LINS1: variants seen among roughly 807,000 people sequenced by gnomAD.
LINS1 encodes the protein protein Lines homolog 1.
Under a neutral mutation model 41.6 loss-of-function variants are expected in LINS1, and 27 were observed. The observed-to-expected ratio is 0.65, with a 90% confidence interval of 0.48 to 0.89. The LOEUF is 0.89. Among genes scored for constraint, LINS1 ranks in the 40% least tolerant of loss-of-function variants. LINS1 has a pLI of 0.00. For synonymous variants in LINS1, 336 were observed against 312.9 expected (o/e 1.07, Z -0.78); for missense variants, 955 against 884.1 (o/e 1.08, Z -1.02).
intron 3 of LINS1, among the ~76,000 whole-genome samples, chr15:100,576,962 A>G (rs1361940075): frequency 6.6e-6 from 1 of 152,224 alleles, no homozygotes; most frequent in Non-Finnish European, 1.5e-5. Context: ...AAGGCCTTTG[A>G]CAAAATTCAA....
chr15:100,587,254 T>C (rs1596946816), intron 1 of LINS1, among the ~76,000 whole-genome samples: 2 of 148,818 alleles, frequency 1.3e-5, no homozygotes, highest in East Asian at 2.0e-4. Context: ...AAATTTCACA[T>C]ACATGCTTGC....
intron 3 of LINS1, among the ~76,000 whole-genome samples, chr15:100,575,409 C>G (rs906550408): frequency 5.9e-5 from 9 of 152,076 alleles, no homozygotes; most frequent in African/African-American, 1.9e-4. Context: ...AACCAACAAA[C>G]ATCAAAAGAG....
At chr15:100,579,708 G>C (rs1363333171) in intron 3 of LINS1, among the ~76,000 whole-genome samples, 1 of 152,104 alleles carries the variant, frequency 6.6e-6, no homozygotes, top group Non-Finnish European at 1.5e-5. Context: ...ACTCAACTCT[G>C]AATTTATTTA....
intron 6 of LINS1, 136 bp downstream of exon 6, chr15:100,571,758 G>A (rs2141268958): frequency 9.7e-7 from 1 of 1,035,896 alleles, no homozygotes; most frequent in Non-Finnish European, 1.4e-6. Context: ...TGTAAGTCAG[G>A]GTTAAAGAAA....
chr15:100,570,859 AAAAACTATCTATGTTGT>A (rs1414827001), intron 6 of LINS1, among the ~76,000 whole-genome samples: 2 of 152,234 alleles, frequency 1.3e-5, no homozygotes, highest in Non-Finnish European at 2.9e-5. Context: ...TACATCTGAA[AAAAACTATCTATGTTGT>A]AAGCACATGC....
In LINS1 at chr15:100,569,380, C is replaced by G. The variant is rs148450316; in HGVS notation, c.2132G>C (p.Arg711Thr). ...DVVSEVGIFYRIVKCFQELQD... is the reference protein window; with the variant it reads ...DVVSEVGIFYTIVKCFQELQD... Reference sequence around the variant, plus strand: ...TAGTTCCTGGAAGCATTTTACTATTCTGTAAAATATTCCCACTTCAGAGAC... The same window carrying G: ...TAGTTCCTGGAAGCATTTTACTATTGTGTAAAATATTCCCACTTCAGAGAC... Residue 711 changes from arginine to threonine, a missense_variant, in exon 7 of 7, where the codon AGA (arginine) becomes ACA (threonine). By Grantham distance (71) the Arg-to-Thr change is moderately conservative. Coordinates refer to ENST00000314742, the MANE Select transcript of LINS1 (RefSeq NM_001040616.3). The G allele has an allele frequency of 6.2e-7, 1 of 1,614,046 alleles. No homozygotes were observed. The highest frequency in any genetic ancestry group is 1.6e-4 in the Middle Eastern group (1 of 6,062).
intron 3 of LINS1, among the ~76,000 whole-genome samples, chr15:100,575,612 C>A (rs2038124858): frequency 6.6e-6 from 1 of 152,168 alleles, no homozygotes; most frequent in Non-Finnish European, 1.5e-5. Context: ...TTAGACAGAA[C>A]AACGAGACAG....
chr15:100,574,196 A>G lies in LINS1; in HGVS notation c.677T>C (p.Val226Ala), dbSNP rs768357224. ...CTGAGAGAATAAGGAATTGTAAAAC[A>G]CTTCAAAAATGGTGTCGAAATGAGT... ...FLTHFDTIFE[V>A]FYNSLFSQHF... Residue 226 changes from valine to alanine, a missense_variant, in exon 5 of 7, where the codon GTG becomes GCG. By Grantham distance (64) the Val-to-Ala change is moderately conservative (BLOSUM62 0). Coordinates refer to ENST00000314742, the MANE Select transcript of LINS1 (RefSeq NM_001040616.3). The G allele has an allele frequency of 2.5e-6, 4 of 1,613,476 alleles. No individual in the cohort carries two copies. The highest frequency in any genetic ancestry group is 3.4e-6 in the Non-Finnish European group (4 of 1,179,566).
At chr15:100,572,172 C>T in intron 5 of LINS1, 107 bp from the exon 6 acceptor site, 1 of 1,533,766 alleles carries the variant, frequency 6.5e-7, no homozygotes, top group Non-Finnish European at 8.8e-7. Flanking sequence ...ATGCAATTAT[C>T]CTAATTCACT....
At chr15:100,576,173 T>A (rs2141288937) in intron 3 of LINS1, among the ~76,000 whole-genome samples, 1 of 151,922 alleles carries the variant, frequency 6.6e-6, no homozygotes, top group African/African-American at 2.4e-5. Flanking sequence ...ATAACTAAGA[T>A]CAGAGCAGAA....
In LINS1 at chr15:100,593,559, T is replaced by TG. The variant is rs34763783; in HGVS notation, c.-104+8561dup. Among the ~76,000 whole-genome samples the TG allele has an allele frequency of 1.8e-3, 201 of 113,376 alleles. 1 individual carries two copies. The highest frequency in any genetic ancestry group is 5.1e-3 in the African/African-American group (170 of 33,340). The allele number at this position is 113,376 out of a possible 152,430, so 74.4% of individuals were successfully genotyped here. A position where few individuals can be genotyped will look rare whatever the true frequency, so the allele number is the denominator to read the frequency against. On this transcript the variant is annotated intron_variant, in intron 1 of 6. Transcript: ENST00000314742. ...GCTCTAAGTGAGTTTTACAACTTTA[T>TG]GGGGGGGGGGGGTGCTTAATTATCA...
At chr15:100,598,655 T>C (rs948204747) in intron 1 of LINS1, among the ~76,000 whole-genome samples, 1 of 152,242 alleles carries the variant, frequency 6.6e-6, no homozygotes, top group African/African-American at 2.4e-5. Context: ...GGCGTTCTTT[T>C]TGCTGTGATG....
rs762817281 is a variant in LINS1 at position 100,569,573 on chromosome 15, T to G, written c.1939A>C (p.Ser647Arg). The G allele has an allele frequency of 1.2e-6, 2 of 1,614,080 alleles. No individual in the cohort carries two copies. The highest frequency in any genetic ancestry group is 3.3e-5 in the Admixed American group (2 of 60,024). The change falls in exon 7 of 7, where the codon AGT becomes CGT. Residue 647 changes from serine to arginine, a missense_variant. By Grantham distance (110) the Ser-to-Arg change is moderately radical. Transcript: ENST00000314742. ...VESTEQCLAN[S>R]KQTSLHQQAT... ...TGCTGGTGTAAAGATGTCTGTTTAC[T>G]GTTAGCTAAACACTGCTCTGTGGAT...
In LINS1 at chr15:100,590,993, A is replaced by C. The variant is rs187570665; in HGVS notation, c.-103-10048T>G. 3.0e-3 allele frequency among the ~76,000 whole-genome samples: 462 copies of C among 152,204 alleles called. 1 individual carries two copies. The highest frequency in any genetic ancestry group is 1.0e-2 in the African/African-American group (415 of 41,518). On this transcript the variant is annotated intron_variant, in intron 1 of 6. Coordinates refer to ENST00000314742, the MANE Select transcript of LINS1 (RefSeq NM_001040616.3). ...CAGGAGTTTGAGACCAGCCTGGCCAACATGATAAACCCTGTCTCTACTAAA... is the reference window on the plus strand; with the variant it reads ...CAGGAGTTTGAGACCAGCCTGGCCACCATGATAAACCCTGTCTCTACTAAA...
chr15:100,575,232 A>G (rs2038095412), intron 3 of LINS1, 104 bp from the exon 4 acceptor site: 1 of 964,994 alleles, frequency 1.0e-6, no homozygotes, highest in African/African-American at 1.6e-5. Flanking sequence ...GAAGTATGAT[A>G]ATATGTGGCA....
chr15:100,571,403 A>T (rs1355084163), intron 6 of LINS1, among the ~76,000 whole-genome samples: 1 of 152,266 alleles, frequency 6.6e-6, no homozygotes, highest in African/African-American at 2.4e-5. Flanking sequence ...CAATCAGTAT[A>T]AATCATCAGT....
chr15:100,601,888 C>T (rs2039514197), intron 1 of LINS1, among the ~76,000 whole-genome samples: 2 of 152,158 alleles, frequency 1.3e-5, no homozygotes, highest in Admixed American at 1.3e-4. Context: ...TCTCCCACTT[C>T]AGGCGAGGCA....
At chr15:100,580,171 G>T in intron 3 of LINS1, 92 bp downstream of exon 3, 1 of 974,446 alleles carries the variant, frequency 1.0e-6, no homozygotes, top group Non-Finnish European at 1.6e-6. Flanking sequence ...ATCAGATTGG[G>T]CAACACAGTG....
chr15:100,569,321 G>T lies in LINS1; in HGVS notation c.2191C>A (p.Leu731Ile), dbSNP rs754869216. Reference sequence around the variant, plus strand: ...AGTGCAGTTGGATTATATGGGAAAAGATTTTTCTTTTGCAAACGGCAGATG... The same window carrying T: ...AGTGCAGTTGGATTATATGGGAAAATATTTTTCTTTTGCAAACGGCAGATG... Reference protein sequence around the residue: ...DAICRLQKKNLFPYNPTALLK... With the variant: ...DAICRLQKKNIFPYNPTALLK... Residue 731 changes from leucine (L) to isoleucine (I), a missense_variant, in exon 7 of 7, where the codon CTT becomes ATT. Coordinates refer to ENST00000314742, the MANE Select transcript of LINS1 (RefSeq NM_001040616.3). The T allele has an allele frequency of 1.9e-6, 3 of 1,613,760 alleles. No homozygotes were observed.
Sources: allele counts gnomAD v4.1 joint callset (sites outside exome capture counted in the v4.1 genomes callset), GRCh38; gene constraint gnomAD v4.1.1; transcripts MANE v1.5; gene names NCBI Gene and HGNC (gene_info 2026-07-23, HGNC 2026-07-21).